The following ADD1 variants were observed in gnomAD, a reference collection of about 807,000 sequenced individuals.
The protein encoded by ADD1 is alpha-adducin.
In ADD1, 24 loss-of-function variants were observed where a neutral mutation model predicts 80.5. The ratio of observed to expected loss-of-function variants is 0.30; its 90% CI spans 0.22 to 0.42. ADD1 has a LOEUF of 0.42. Ranked by LOEUF, ADD1 falls within the 10% of genes least tolerant of loss-of-function variation. The pLI is 1.00. For missense variants in ADD1, 948 were observed against 1,019.0 expected (o/e 0.93, Z 0.95); for synonymous variants, 373 against 393.8 (o/e 0.95, Z 0.63).
intron 4 of ADD1, among the ~76,000 whole-genome samples, chr4:2,888,205 T>TGCCACCATGCGCAGGTGTGC (rs1254804039): frequency 4.0e-5 from 6 of 149,932 alleles, no homozygotes; most frequent in African/African-American, 1.5e-4. Context: ...AACAGGCATG[T>TGCCACCATGCGCAGGTGTGC]GCCACCATGC....
chr4:2,848,300 C>G (rs16843458), intron 1 of ADD1, among the ~76,000 whole-genome samples: 3,793 of 151,794 alleles, frequency 0.025, 151 homozygotes, highest in African/African-American at 0.087. Context: ...TCTGGCCTTT[C>G]TACATTGAGG....
chr4:2,846,613 C>G (rs1420788230), intron 1 of ADD1, among the ~76,000 whole-genome samples: 1 of 152,070 alleles, frequency 6.6e-6, no homozygotes, highest in Non-Finnish European at 1.5e-5. Context: ...AGGATAAATG[C>G]TTAATTCTTC....
Position 2,928,397 on chromosome 4 carries a change from T to TGTCGAGGAGGGGGCC in ADD1, c.2276_2290dup (p.Val759_Ala763dup), listed in dbSNP as rs772090041. On this transcript the variant is annotated inframe_insertion, in exon 16 of 16. Transcript: ENST00000683351. The stretch of plus-strand genomic sequence containing the variant: ...TGGCTGAAGAGGCTGCCCCCTCAGC[T>TGTCGAGGAGGGGGCC]GTCGAGGAGGGGGCCGCCGCGGACC... 3.7e-6 allele frequency: 6 copies of TGTCGAGGAGGGGGCC among 1,612,906 alleles called. No homozygotes were observed. Among genetic ancestry groups the TGTCGAGGAGGGGGCC allele is most frequent in the Middle Eastern group, 1.7e-4 (1 of 6,058 alleles).
rs1213153120 is a variant in ADD1, at chr4:2,909,516, G to T, written c.1791+85G>T. 7 of 1,003,180 alleles carry T rather than the reference G, an allele frequency of 7.0e-6. No homozygotes were observed. The African/African-American group carries it at 1.3e-4, about 19-fold the overall frequency. 62.1% of individuals were successfully genotyped at this position (1,003,180 alleles called of 1,614,324 possible). A position where few individuals can be genotyped will look rare whatever the true frequency, so the allele number is the denominator to read the frequency against. On this transcript the variant is annotated intron_variant, in intron 13 of 15. Transcript: ENST00000683351. ...TCCCCGTCTCCTCTCTTCAGGCATT[G>T]TCTTAGTTACTGAAGTAGCTTCAAA...
intron 4 of ADD1, among the ~76,000 whole-genome samples, chr4:2,891,480 T>C (rs986040127): frequency 6.6e-6 from 1 of 151,904 alleles, no homozygotes; most frequent in Non-Finnish European, 1.5e-5. Context: ...GGAGCTGACT[T>C]AAGGAAATAG....
intron 3 of ADD1, among the ~76,000 whole-genome samples, chr4:2,883,616 C>T (rs1184729917): frequency 6.6e-6 from 1 of 151,928 alleles, no homozygotes; most frequent in Non-Finnish European, 1.5e-5. Flanking sequence ...TCACTACAAC[C>T]TTGAACTCCT....
At chr4:2,845,396 T>G (rs1315490717) in intron 1 of ADD1, among the ~76,000 whole-genome samples, 1 of 152,256 alleles carries the variant, frequency 6.6e-6, no homozygotes, top group East Asian at 1.9e-4. Flanking sequence ...ATATACTCCT[T>G]TGATTTTGAC....
intron 6 of ADD1, among the ~76,000 whole-genome samples, chr4:2,895,951 G>A (rs180707069): frequency 1.2e-3 from 184 of 151,022 alleles, no homozygotes; most frequent in Non-Finnish European, 2.1e-3. Flanking sequence ...GCAATGGCGC[G>A]ATCGCGGCTC....
chr4:2,920,657 CTT>C (rs55649630), intron 14 of ADD1, among the ~76,000 whole-genome samples: 6 of 136,506 alleles, frequency 4.4e-5, no homozygotes, highest in African/African-American at 1.1e-4. Flanking sequence ...GCAACTCCTG[CTT>C]TTTTTTTTTT....
intron 1 of ADD1, among the ~76,000 whole-genome samples, chr4:2,859,980 C>A (rs557435048): frequency 6.7e-6 from 1 of 149,798 alleles, no homozygotes; most frequent in Non-Finnish European, 1.5e-5. Context: ...TCCCTCCTTA[C>A]GTGTTTAATT....
chr4:2,910,543 C>G (rs184241234), intron 13 of ADD1, among the ~76,000 whole-genome samples: 2 of 152,230 alleles, frequency 1.3e-5, no homozygotes, highest in East Asian at 3.9e-4. Context: ...GCGGTCTTGT[C>G]AGTTATTCTT....
intron 1 of ADD1, among the ~76,000 whole-genome samples, chr4:2,864,969 G>T (rs752590486): frequency 6.6e-6 from 1 of 152,058 alleles, no homozygotes; most frequent in African/African-American, 2.4e-5. Flanking sequence ...ATGTGTGTGT[G>T]TATATCTATG....
chr4:2,926,735 C>T lies in ADD1; in HGVS notation c.2047+623C>T. ...CCCTGCGCTTTGCCTCATTCTCCTG[C>T]TTCTTTGTTGTTTATTAAGTTTTGT... On this transcript the variant is annotated intron_variant, in intron 15 of 15. Transcript: ENST00000683351. The surrounding 1 kb of genome is among the most constrained non-coding windows in gnomAD (Gnocchi z 5.0). 3.9e-6 allele frequency: 6 copies of T among 1,539,128 alleles called. No homozygotes were observed. Among genetic ancestry groups the T allele is most frequent in the Middle Eastern group, 1.7e-4 (1 of 5,858 alleles).
At chr4:2,908,837 A>C in intron 12 of ADD1, 1 of 560,078 alleles carries the variant, frequency 1.8e-6, no homozygotes, top group Non-Finnish European at 3.2e-6. Context: ...CTTGTAATGC[A>C]TGCATATGTG....
chr4:2,908,435 C>G, intron 11 of ADD1, 80 bp from the exon 12 acceptor site: 3 of 1,284,634 alleles, frequency 2.3e-6, no homozygotes, highest in Non-Finnish European at 3.4e-6. Context: ...TGGCTGGGGC[C>G]CAAGTGCACA....
intron 13 of ADD1, among the ~76,000 whole-genome samples, chr4:2,911,448 A>ATATATATATATATATTTTTTTT (rs553567632): frequency 1.5e-5 from 2 of 130,520 alleles, no homozygotes; most frequent in African/African-American, 5.9e-5. Flanking sequence ...ATATATATAT[A>ATATATATATATATATTTTTTTT]TTTTTTTTTT....
chr4:2,907,380 G>A (rs1167812573), intron 10 of ADD1: 1 of 176,410 alleles, frequency 5.7e-6, no homozygotes, highest in Non-Finnish European at 1.2e-5. Context: ...AGTTGGCTTT[G>A]GTGTTGGATG....
intron 13 of ADD1, among the ~76,000 whole-genome samples, chr4:2,910,034 T>C (rs12649553): frequency 2.8e-5 from 4 of 140,468 alleles, no homozygotes; most frequent in African/African-American, 1.1e-4. Flanking sequence ...CTTAGGAGAG[T>C]CTGAAACCCC....
chr4:2,858,551 C>T (rs1401136086), intron 1 of ADD1, among the ~76,000 whole-genome samples: 2 of 152,142 alleles, frequency 1.3e-5, no homozygotes, highest in Non-Finnish European at 2.9e-5. Flanking sequence ...TGATAAACAC[C>T]CAAACCAGAT....
Sources: allele counts gnomAD v4.1 joint callset (sites outside exome capture counted in the v4.1 genomes callset), GRCh38; gene constraint gnomAD v4.1.1; non-coding constraint Gnocchi (gnomAD v3.1); transcripts MANE v1.5; gene names NCBI Gene and HGNC (gene_info 2026-07-23, HGNC 2026-07-21).